AGPS: variants seen among roughly 807,000 people sequenced by gnomAD.
AGPS encodes the protein alkyldihydroxyacetonephosphate synthase, peroxisomal.
AGPS carries 26 observed loss-of-function variants against 90.7 expected under a neutral mutation model. The ratio of observed to expected loss-of-function variants is 0.29; its 90% CI spans 0.21 to 0.40. The LOEUF (loss-of-function observed/expected upper bound fraction) is 0.40. AGPS is among the 10% of genes least tolerant of loss of function. The pLI is 1.00. For missense variants in AGPS, 540 were observed against 816.1 expected, an observed-to-expected ratio of 0.66 and a Z score of 4.12; for synonymous variants, 294 against 285.3, an observed-to-expected ratio of 1.03 and a Z score of -0.31.
intron 6 of AGPS, 46 bp downstream of exon 6, chr2:177,441,082 T>C (rs1686587926): frequency 7.0e-7 from 1 of 1,426,386 alleles, no homozygotes. Context: ...TTTGTTCTAT[T>C]TAAAATATTT....
intron 14 of AGPS, among the ~76,000 whole-genome samples, chr2:177,500,386 C>G (rs1161038014): frequency 6.6e-6 from 1 of 151,928 alleles, no homozygotes; most frequent in African/African-American, 2.4e-5. Context: ...AGTTTCTAGA[C>G]ACTAATCTTT....
rs150335928 is a variant in AGPS at position 177,497,909 on chromosome 2, A to G, written c.1362+144A>G. ...TACAGTTTTTCATGTTGGAATAAAT[A>G]TTAAGTAAATCAGGCAGTCAATTTC... On this transcript the variant is annotated intron_variant, in intron 13 of 19. Transcript: ENST00000264167. 14 of 388,636 alleles carry G rather than the reference A, an allele frequency of 3.6e-5. No homozygotes were observed. The Admixed American group carries it at 5.8e-4, about 16-fold the overall frequency. The allele number at this position is 388,636 out of a possible 1,614,324, so 24.1% of individuals were successfully genotyped here.
At chr2:177,405,672 T>TG (rs1491326791) in intron 1 of AGPS, among the ~76,000 whole-genome samples, 3 of 68,874 alleles carry the variant, frequency 4.4e-5, no homozygotes, top group East Asian at 5.2e-4. Flanking sequence ...ACTATTCTGT[T>TG]GTTTTTTTTT....
At chr2:177,401,589 G>A (rs920321608) in intron 1 of AGPS, among the ~76,000 whole-genome samples, 1 of 151,174 alleles carries the variant, frequency 6.6e-6, no homozygotes, top group Non-Finnish European at 1.5e-5. Flanking sequence ...CTGTTGCCCA[G>A]GCTGGTGTGC....
At chr2:177,408,364 T>C (rs73025664) in intron 1 of AGPS, among the ~76,000 whole-genome samples, 2,576 of 152,340 alleles carry the variant, frequency 0.017, 70 homozygotes, top group African/African-American at 0.057. Flanking sequence ...GGAAAGTTAT[T>C]TGATAAATAA....
At chr2:177,419,421 C>A (rs926333334) in intron 1 of AGPS, among the ~76,000 whole-genome samples, 1 of 151,752 alleles carries the variant, frequency 6.6e-6, no homozygotes, top group Non-Finnish European at 1.5e-5. Flanking sequence ...ATTTCAGTAG[C>A]CAAGATCAAA....
chr2:177,478,482 G>A (rs905178716), intron 10 of AGPS, among the ~76,000 whole-genome samples: 3 of 151,952 alleles, frequency 2.0e-5, no homozygotes, highest in South Asian at 2.1e-4. Context: ...CCCATTACAC[G>A]TAAATTGGTG....
chr2:177,439,440 C>G (rs374580695), intron 5 of AGPS, among the ~76,000 whole-genome samples: 1 of 152,100 alleles, frequency 6.6e-6, no homozygotes, highest in South Asian at 2.1e-4. Flanking sequence ...ATAATTTTGC[C>G]TTGTTGAAGA....
chr2:177,458,185 T>G (rs1173363450), intron 8 of AGPS, among the ~76,000 whole-genome samples: 2 of 152,222 alleles, frequency 1.3e-5, no homozygotes, highest in African/African-American at 4.8e-5. Flanking sequence ...CGATGGAACG[T>G]ATCTCAAAAT....
intron 10 of AGPS, among the ~76,000 whole-genome samples, chr2:177,478,921 C>G (rs1440666105): frequency 6.6e-6 from 1 of 151,640 alleles, no homozygotes; most frequent in African/African-American, 2.4e-5. Context: ...TCCCAATTAC[C>G]TTTTTACCAC....
intron 1 of AGPS, among the ~76,000 whole-genome samples, chr2:177,404,907 A>T (rs1308985336): frequency 1.3e-5 from 2 of 152,214 alleles, no homozygotes; most frequent in African/African-American, 4.8e-5. Context: ...AACTTAAAAA[A>T]ATTATCATAT....
chr2:177,404,971 G>A (rs1272570812), intron 1 of AGPS, among the ~76,000 whole-genome samples: 1 of 152,194 alleles, frequency 6.6e-6, no homozygotes. Context: ...TCTGAGCTAG[G>A]TTAAAGCAGA....
At chr2:177,514,322 A>G (rs1374907940) in intron 17 of AGPS, among the ~76,000 whole-genome samples, 1 of 152,212 alleles carries the variant, frequency 6.6e-6, no homozygotes, top group African/African-American at 2.4e-5. Flanking sequence ...TTCAAGCTCT[A>G]ATATTATCAG....
intron 3 of AGPS, among the ~76,000 whole-genome samples, chr2:177,435,398 A>C (rs1686376009): frequency 6.6e-6 from 1 of 151,750 alleles, no homozygotes; most frequent in South Asian, 2.1e-4. Flanking sequence ...CTCTCTTTTG[A>C]TCTCTTGACT....
chr2:177,483,795 G>T (rs1483994538), intron 11 of AGPS, among the ~76,000 whole-genome samples: 1 of 152,130 alleles, frequency 6.6e-6, no homozygotes, highest in East Asian at 1.9e-4. Flanking sequence ...TAAGTTTTTG[G>T]AGTAAATAGT....
At chr2:177,517,598 C>T (rs1689057698) in intron 17 of AGPS, among the ~76,000 whole-genome samples, 1 of 152,008 alleles carries the variant, frequency 6.6e-6, no homozygotes, top group Admixed American at 6.5e-5. Flanking sequence ...AAAAGAATCC[C>T]TCTTGATGGA....
rs1250608567 is a variant in AGPS at position 177,528,517 on chromosome 2, T to TGTC, written c.1855+4713_1855+4715dup. On this transcript the variant is annotated intron_variant, in intron 19 of 19. Coordinates refer to ENST00000264167, the MANE Select transcript of AGPS (RefSeq NM_003659.4). ...CCTCTTTTTATAATGTTCTTTCTTT[T>TGTC]GTCCTCTCCTTCAGATATTTGCATG... is the stretch of plus-strand genomic sequence containing the variant. Among the ~76,000 whole-genome samples, 5 of 152,334 alleles carry TGTC rather than the reference T, an allele frequency of 3.3e-5. No homozygotes were observed. The East Asian group carries it at 9.7e-4, about 29-fold the overall frequency.
In AGPS at chr2:177,538,323, T is replaced by A; in HGVS notation, c.*128T>A. ...TTGTTTCTTTGGTTTAAAATAAGTT[T>A]GTTTTCATTCTGTAGTTTGTTTTGT... On this transcript the variant is annotated 3_prime_UTR_variant, in exon 20 of 20. Coordinates refer to ENST00000264167, the MANE Select transcript of AGPS (RefSeq NM_003659.4). 1 of 1,055,380 alleles carries A rather than the reference T, an allele frequency of 9.5e-7. No homozygotes were observed. The highest frequency in any genetic ancestry group is 1.4e-6 in the Non-Finnish European group (1 of 725,002). The allele number at this position is 1,055,380 out of a possible 1,614,324, so 65.4% of individuals were successfully genotyped here. A position where few individuals can be genotyped will look rare whatever the true frequency, so the allele number is the denominator to read the frequency against.
chr2:177,406,785 G>C (rs1327396733), intron 1 of AGPS, among the ~76,000 whole-genome samples: 1 of 152,246 alleles, frequency 6.6e-6, no homozygotes, highest in Non-Finnish European at 1.5e-5. Context: ...AAGGCTTTCA[G>C]CTGTTCTCTA....
Sources: gnomAD v4.1 joint callset for allele counts (sites outside exome capture counted in the v4.1 genomes callset) on GRCh38, gnomAD v4.1.1 for gene constraint, MANE v1.5 for transcripts, NCBI Gene and HGNC (gene_info 2026-07-23, HGNC 2026-07-21) for gene names.